FYTTD1: variants seen among roughly 807,000 people sequenced by gnomAD.
The protein encoded by FYTTD1 is UAP56-interacting factor.
FYTTD1 carries 22 observed loss-of-function variants against 40.9 expected under a neutral mutation model. The ratio of observed to expected loss-of-function variants is 0.54; its 90% CI spans 0.38 to 0.77. The LOEUF (loss-of-function observed/expected upper bound fraction) is 0.77. Ranked by LOEUF, FYTTD1 falls within the 30% of genes least tolerant of loss-of-function variation. The pLI is 0.00. For synonymous variants in FYTTD1, 140 were observed against 137.9 expected, an observed-to-expected ratio of 1.01 and a Z score of -0.10; for missense variants, 351 against 392.2, an observed-to-expected ratio of 0.90 and a Z score of 0.89.
rs1263684894 is a variant in FYTTD1 at position 197,768,584 on chromosome 3, C to T, written c.381C>T (p.Asp127=). 3 of 1,612,266 alleles carry T rather than the reference C, an allele frequency of 1.9e-6. No individual in the cohort carries two copies. Among genetic ancestry groups the T allele is most frequent in the Non-Finnish European group, 2.5e-6 (3 of 1,178,988 alleles). Residue 127 remains aspartate (D), a synonymous_variant, in exon 3 of 9, where the codon GAC becomes GAT. Transcript: ENST00000241502. ...ISPMNRPPLS[D]KNIEQYFPVL... is the part of the protein sequence containing the mutation. Reference sequence around the variant, plus strand: ...CTATGAATCGTCCACCTCTAAGTGACAAGGTAGGATGATGGCTTAATCCTG... The same window carrying T: ...CTATGAATCGTCCACCTCTAAGTGATAAGGTAGGATGATGGCTTAATCCTG...
intron 2 of FYTTD1, among the ~76,000 whole-genome samples, chr3:197,763,168 C>A (rs759730776): frequency 2.0e-5 from 3 of 152,114 alleles, no homozygotes; most frequent in Non-Finnish European, 4.4e-5. Flanking sequence ...AATCCCAGCA[C>A]TTTGGGAGCC....
At chr3:197,774,704 C>G in intron 6 of FYTTD1, among the ~76,000 whole-genome samples, 1 of 151,220 alleles carries the variant, frequency 6.6e-6, no homozygotes, top group Non-Finnish European at 1.5e-5. Flanking sequence ...GCTCGATCGC[C>G]AGTGCACACC....
At chr3:197,775,631 G>T (rs1405008600) in intron 6 of FYTTD1, among the ~76,000 whole-genome samples, 1 of 152,186 alleles carries the variant, frequency 6.6e-6, no homozygotes, top group African/African-American at 2.4e-5. Flanking sequence ...AGAACCTGTG[G>T]ATACAGAGAG....
intron 1 of FYTTD1, chr3:197,750,928 T>C: frequency 1.2e-6 from 1 of 815,828 alleles, no homozygotes; most frequent in Non-Finnish European, 1.5e-6. Flanking sequence ...GCCCTGACAC[T>C]ACCGAGGCAC....
intron 4 of FYTTD1, among the ~76,000 whole-genome samples, chr3:197,772,478 A>G (rs140485926): frequency 6.6e-6 from 1 of 152,362 alleles, no homozygotes; most frequent in Non-Finnish European, 1.5e-5. Context: ...TGGCACATGT[A>G]TAGCTACATA....
Position 197,785,618 on chromosome 3 carries a change from G to A in FYTTD1, c.*3709G>A, listed in dbSNP as rs970039625. 9.2e-5 allele frequency: 14 copies of A among 152,128 alleles called. No individual in the cohort carries two copies. Among genetic ancestry groups the A allele is most frequent in the Non-Finnish European group, 1.6e-4 (11 of 68,000 alleles). The allele number at this position is 152,128 out of a possible 1,614,324, so 9.4% of individuals were successfully genotyped here. ...CAGCAGTGAGTTTTTATTAGACTAGGTATGTATATCATTATTAATATTTTA... is the reference window on the plus strand; with the variant it reads ...CAGCAGTGAGTTTTTATTAGACTAGATATGTATATCATTATTAATATTTTA... On this transcript the variant is annotated 3_prime_UTR_variant, in exon 9 of 9. Coordinates refer to ENST00000241502, the MANE Select transcript of FYTTD1 (RefSeq NM_032288.7).
At chr3:197,781,527 T>C (rs927516289) in intron 8 of FYTTD1, among the ~76,000 whole-genome samples, 5 of 152,200 alleles carry the variant, frequency 3.3e-5, no homozygotes, top group Non-Finnish European at 5.9e-5. Flanking sequence ...GTTCTTACTT[T>C]TATCAGTGAC....
In FYTTD1 at chr3:197,778,387, A is replaced by G. The variant is rs1307823212; in HGVS notation, c.781A>G (p.Lys261Glu). The change falls in exon 8 of 9, where the codon AAG becomes GAG. Residue 261 changes from lysine to glutamate, a missense_variant. Transcript: ENST00000241502. ...TRTAVPSFLT[K>E]REQSDVKKVP... ...TACTGCTGTACCTTCATTTTTAACA[A>G]AGCGGGAGCAAAGTGACGTCAAGAA... 1.9e-6 allele frequency: 3 copies of G among 1,612,206 alleles called. No homozygotes were observed. The highest frequency in any genetic ancestry group is 2.5e-6 in the Non-Finnish European group (3 of 1,178,616).
At chr3:197,776,276 G>T (rs1456202368) in intron 6 of FYTTD1, among the ~76,000 whole-genome samples, 1 of 149,440 alleles carries the variant, frequency 6.7e-6, no homozygotes, top group Non-Finnish European at 1.5e-5. Flanking sequence ...CACAATCTCA[G>T]TTCACTGCAA....
At chr3:197,775,266 A>G (rs1185523889) in intron 6 of FYTTD1, among the ~76,000 whole-genome samples, 1 of 152,228 alleles carries the variant, frequency 6.6e-6, no homozygotes, top group Admixed American at 6.5e-5. Context: ...TCCTGTTATA[A>G]TCACACCTCC....
At position 197,755,929 on chromosome 3, in the gene FYTTD1, T is replaced by C. The variant is rs913310900; in HGVS notation, c.104-497T>C. The C allele has an allele frequency of 1.0e-5, 7 of 686,282 alleles. No homozygotes were observed. In the Admixed American group the frequency reaches 1.7e-4, roughly 17 times the overall value. The allele number at this position is 686,282 out of a possible 1,614,324, so 42.5% of individuals were successfully genotyped here. ...GGGAAGTAGGTAGGAAAATGGAGGC[T>C]TCTGTGATTATGGGAAGTAGGTAGG... On this transcript the variant is annotated intron_variant, in intron 1 of 8. Coordinates refer to ENST00000241502, the MANE Select transcript of FYTTD1 (RefSeq NM_032288.7).
intron 1 of FYTTD1, chr3:197,750,455 G>T (rs1728981295): frequency 4.0e-6 from 4 of 1,001,888 alleles, no homozygotes; most frequent in Admixed American, 6.0e-5. Context: ...CGCGTTCGCG[G>T]TGGGCGTTAT....
At chr3:197,749,866 CGCGTGCGCGCTCCCTCGGTGCGGCGGGCT>C in exon 1 of FYTTD1, 2 of 674,000 alleles carry the variant, frequency 3.0e-6, no homozygotes, top group South Asian at 2.9e-5. Context: ...ACGGCGCCGG[CGCGTGCGCGCTCCCTCGGTGCGGCGGGCT>C]GCGTGCGCGA....
intron 2 of FYTTD1, among the ~76,000 whole-genome samples, chr3:197,762,923 G>A (rs976241119): frequency 6.6e-6 from 1 of 151,840 alleles, no homozygotes; most frequent in East Asian, 1.9e-4. Context: ...ATACCTCAGC[G>A]ATGGAATAAT....
At position 197,787,282 on chromosome 3, in the gene FYTTD1, T is replaced by A. The variant is rs1168659517; in HGVS notation, c.*5373T>A. The A allele has an allele frequency of 6.6e-6, 1 of 151,978 alleles. No individual in the cohort carries two copies. Among genetic ancestry groups the A allele is most frequent in the Non-Finnish European group, 1.5e-5 (1 of 68,014 alleles). The allele number at this position is 151,978 out of a possible 1,614,324, so 9.4% of individuals were successfully genotyped here. On this transcript the variant is annotated 3_prime_UTR_variant, in exon 9 of 9. Coordinates refer to ENST00000241502, the MANE Select transcript of FYTTD1 (RefSeq NM_032288.7). ...CGTGCCACTACACCCAGCTAATTTT[T>A]GTACTAAGACGAGGTTTCACCATAT...
At chr3:197,765,349 G>A (rs1474435591) in intron 2 of FYTTD1, among the ~76,000 whole-genome samples, 1 of 152,074 alleles carries the variant, frequency 6.6e-6, no homozygotes, top group African/African-American at 2.4e-5. Context: ...AAGGAAGATT[G>A]TTAGCATCAG....
intron 5 of FYTTD1, among the ~76,000 whole-genome samples, 196 bp downstream of exon 5, chr3:197,773,695 A>T (rs1056267794): frequency 6.6e-6 from 1 of 152,206 alleles, no homozygotes; most frequent in Non-Finnish European, 1.5e-5. Context: ...GCAATGTCTT[A>T]TAAGAATTTA....
Position 197,782,929 on chromosome 3 carries a change from C to T in FYTTD1, c.*1020C>T, listed in dbSNP as rs1730066108. On this transcript the variant is annotated 3_prime_UTR_variant, in exon 9 of 9. Coordinates refer to ENST00000241502, the MANE Select transcript of FYTTD1 (RefSeq NM_032288.7). ...TGAAATTTATGAGCTTTGAAGATTG[C>T]TAAATTAAATAATTTATAGCTCCAA... 1 of 152,412 alleles carries T rather than the reference C, an allele frequency of 6.6e-6. No individual in the cohort carries two copies. The highest frequency in any genetic ancestry group is 6.6e-5 in the Admixed American group (1 of 15,250). 9.4% of individuals were successfully genotyped at this position (152,412 alleles called of 1,614,324 possible). A position where few individuals can be genotyped will look rare whatever the true frequency, so the allele number is the denominator to read the frequency against.
At chr3:197,770,395 T>C in intron 4 of FYTTD1, 151 bp downstream of exon 4, 1 of 626,790 alleles carries the variant, frequency 1.6e-6, no homozygotes, top group South Asian at 2.0e-5. Flanking sequence ...TCCACATGGA[T>C]GTATCCAGTA....
Sources: allele counts gnomAD v4.1 joint callset (sites outside exome capture counted in the v4.1 genomes callset), GRCh38; gene constraint gnomAD v4.1.1; transcripts MANE v1.5; gene names NCBI Gene and HGNC (gene_info 2026-07-23, HGNC 2026-07-21).